Variants in NLGN1 observed in about 807,000 individuals in gnomAD.
The protein encoded by NLGN1 is neuroligin 1, also known as neuroligin-1.
NLGN1 carries 12 observed loss-of-function variants against 65.5 expected under a neutral mutation model. The observed-to-expected ratio is 0.18, with a 90% CI of 0.12 to 0.30. The LOEUF is 0.30. Ranked by LOEUF, NLGN1 falls within the 10% of genes least tolerant of loss-of-function variation. NLGN1 has a pLI of 1.00. For synonymous variants in NLGN1, 350 were observed against 359.5 expected (o/e 0.97, Z 0.30); for missense variants, 750 against 1,007.1 (o/e 0.74, Z 3.46).
chr3:174,292,747 A>C, the NLGN1 span, among the ~76,000 whole-genome samples: 2 of 151,470 alleles, frequency 1.3e-5, no homozygotes, highest in African/African-American at 4.8e-5. Context: ...TATTGCTCCC[A>C]ATGAATCAGT....
At chr3:173,651,412 T>C (rs1265802533) in intron 3 of NLGN1, among the ~76,000 whole-genome samples, 1 of 152,030 alleles carries the variant, frequency 6.6e-6, no homozygotes, top group Admixed American at 6.6e-5. Context: ...GTGAATAGTG[T>C]TGTGATAAAC....
intron 4 of NLGN1, among the ~76,000 whole-genome samples, chr3:174,209,120 T>C (rs543072116): frequency 5.1e-4 from 77 of 152,016 alleles, no homozygotes; most frequent in South Asian, 1.9e-3. Context: ...AACAGAGTTT[T>C]GCCATGTTGC....
At chr3:173,727,126 C>T (rs1296905105) in intron 3 of NLGN1, among the ~76,000 whole-genome samples, 1 of 152,106 alleles carries the variant, frequency 6.6e-6, no homozygotes, top group Non-Finnish European at 1.5e-5. Context: ...GTCCCTCTAT[C>T]AACAGAAGTT....
intron 4 of NLGN1, among the ~76,000 whole-genome samples, chr3:173,979,922 T>C (rs1718382636): frequency 6.6e-6 from 1 of 152,080 alleles, no homozygotes. Context: ...TGGCACCTTA[T>C]CAATAACTGT....
At chr3:173,881,573 C>T (rs1358397289) in intron 4 of NLGN1, among the ~76,000 whole-genome samples, 6 of 151,856 alleles carry the variant, frequency 4.0e-5, no homozygotes, top group East Asian at 1.9e-4. Flanking sequence ...TACAGGCACC[C>T]GCCACCACGC....
rs1224335874 is a variant in NLGN1, at chr3:174,154,965, AT to A, written c.647-120348del. 5.8e-5 allele frequency among the ~76,000 whole-genome samples: 8 copies of A among 138,512 alleles called. No homozygotes were observed. In the East Asian group the frequency reaches 1.6e-3, roughly 28 times the overall value. 90.9% of individuals were successfully genotyped at this position (138,512 alleles called of 152,430 possible). On this transcript the variant is annotated intron_variant, in intron 4 of 6. Transcript: ENST00000457714. ...TATATAATATATAATATAATATATA[AT>A]TATATATAATATATTATATTATATA...
At chr3:173,893,181 T>C (rs780089493) in intron 4 of NLGN1, among the ~76,000 whole-genome samples, 3 of 152,106 alleles carry the variant, frequency 2.0e-5, no homozygotes, top group Admixed American at 1.3e-4. Flanking sequence ...TATCCCTCTT[T>C]TTATGACCTT....
intron 4 of NLGN1, among the ~76,000 whole-genome samples, chr3:174,080,922 G>GGTGTGTGTGTGTGTGTGTGTGTGTGTGT (rs571057944): frequency 4.6e-4 from 65 of 141,268 alleles, no homozygotes; most frequent in African/African-American, 1.6e-3. Context: ...TGACATTCCT[G>GGTGTGTGTGTGTGTGTGTGTGTGTGTGT]GTGTGTGTGT....
intron 4 of NLGN1, among the ~76,000 whole-genome samples, chr3:174,145,847 A>T (rs1723128399): frequency 6.6e-6 from 1 of 152,228 alleles, no homozygotes; most frequent in South Asian, 2.1e-4. Context: ...ATATCAACAA[A>T]ACTTAATTAA....
At chr3:173,472,415 G>A (rs183921340) in intron 2 of NLGN1, among the ~76,000 whole-genome samples, 5 of 151,988 alleles carry the variant, frequency 3.3e-5, no homozygotes, top group South Asian at 2.1e-4. Context: ...TTAAATGTGA[G>A]CCATATAAGA....
intron 3 of NLGN1, among the ~76,000 whole-genome samples, chr3:173,759,778 C>T (rs1777689358): frequency 6.6e-6 from 1 of 151,786 alleles, no homozygotes; most frequent in African/African-American, 2.4e-5. Context: ...GCATTCTTAT[C>T]AATTTTTAAA....
chr3:173,644,445 C>T lies in NLGN1; in HGVS notation c.493+39354C>T, dbSNP rs117281186. On this transcript the variant is annotated intron_variant, in intron 3 of 6. Coordinates refer to ENST00000457714, the Ensembl canonical transcript of NLGN1. ...GCATGGCTGCTACCCACTGCTACTGCGCTGCCTCATCTACACGCTTTGGCT... is the reference window on the plus strand; with the variant it reads ...GCATGGCTGCTACCCACTGCTACTGTGCTGCCTCATCTACACGCTTTGGCT... 5.1e-3 allele frequency: 800 copies of T among 156,054 alleles called. 20 individuals are homozygous for T. The highest frequency in any genetic ancestry group is 0.039 in the Admixed American group (601 of 15,254). 9.7% of individuals were successfully genotyped at this position (156,054 alleles called of 1,614,324 possible).
At chr3:173,876,433 A>G (rs1415368816) in intron 4 of NLGN1, among the ~76,000 whole-genome samples, 1 of 152,170 alleles carries the variant, frequency 6.6e-6, no homozygotes. Context: ...TCAAATTGAA[A>G]CACTTCTTGC....
chr3:173,742,449 A>G (rs1053989524), intron 3 of NLGN1, among the ~76,000 whole-genome samples: 6 of 152,106 alleles, frequency 3.9e-5, no homozygotes, highest in Non-Finnish European at 5.9e-5. Flanking sequence ...ACTATATTCT[A>G]TACATTTTAT....
intron 4 of NLGN1, among the ~76,000 whole-genome samples, chr3:173,924,015 CTA>C (rs1742542228): frequency 6.6e-6 from 1 of 152,040 alleles, no homozygotes; most frequent in Non-Finnish European, 1.5e-5. Context: ...AGCATAAAAT[CTA>C]TGTTTAATAT....
At position 174,194,861 on chromosome 3, in the gene NLGN1, T is replaced by TC. The variant is rs1445272836; in HGVS notation, c.647-80453dup. On this transcript the variant is annotated intron_variant, in intron 4 of 6. Transcript: ENST00000457714. ...CCATTCAAGATTTTTTTTTCTTTTT[T>TC]CTTTTTTCTTTTTTTTTGAGATGGA... is the stretch of plus-strand genomic sequence containing the variant. Among the ~76,000 whole-genome samples the TC allele has an allele frequency of 5.8e-3, 597 of 102,926 alleles. 2 individuals are homozygous for TC. Among genetic ancestry groups the TC allele is most frequent in the African/African-American group, 0.012 (407 of 33,900 alleles). The allele number at this position is 102,926 out of a possible 152,430, so 67.5% of individuals were successfully genotyped here.
chr3:173,598,357 C>T (rs1425182532), intron 2 of NLGN1, among the ~76,000 whole-genome samples: 2 of 152,130 alleles, frequency 1.3e-5, no homozygotes, highest in Non-Finnish European at 2.9e-5. Flanking sequence ...TATTAGCAAA[C>T]TTTAATTGCT....
At chr3:173,549,694 A>G (rs949477855) in intron 2 of NLGN1, among the ~76,000 whole-genome samples, 1 of 152,078 alleles carries the variant, frequency 6.6e-6, no homozygotes, top group Non-Finnish European at 1.5e-5. Context: ...GCAGTTTTTT[A>G]TATGCTTATA....
At chr3:173,648,636 C>T (rs1401662935) in intron 3 of NLGN1, among the ~76,000 whole-genome samples, 1 of 151,696 alleles carries the variant, frequency 6.6e-6, no homozygotes, top group Non-Finnish European at 1.5e-5. Context: ...GTGCAGGGGC[C>T]CTATCTCAGC....
Sources: allele counts gnomAD v4.1 joint callset (sites outside exome capture counted in the v4.1 genomes callset), GRCh38; gene constraint gnomAD v4.1.1; transcripts MANE v1.5; gene names NCBI Gene and HGNC (gene_info 2026-07-23, HGNC 2026-07-21).